The following ADGRG1 variants were observed in gnomAD, a reference collection of about 807,000 sequenced individuals.
ADGRG1 encodes adhesion G protein-coupled receptor G1, also known as 7-transmembrane protein with no EGF-like N-terminal domains-1.
In ADGRG1, 53 loss-of-function variants were observed where a neutral mutation model predicts 73.5. The ratio of observed to expected loss-of-function variants is 0.72; its 90% confidence interval spans 0.58 to 0.91. ADGRG1 has a LOEUF of 0.91. ADGRG1 is among the 40% of genes least tolerant of loss of function. The probability of loss-of-function intolerance (pLI) is 0.00; values close to 1 mark genes in which losing one functional copy is unlikely to be tolerated. For missense variants in ADGRG1, 795 were observed against 871.8 expected, an observed-to-expected ratio of 0.91 and a Z score of 1.11; for synonymous variants, 394 against 374.4, an observed-to-expected ratio of 1.05 and a Z score of -0.60.
chr16:57,652,821 G>A, intron 3 of ADGRG1: 1 of 1,105,678 alleles, frequency 9.0e-7, no homozygotes. Context: ...GCCCGAGCCT[G>A]GAGTCAGGGA....
At position 57,631,379 on chromosome 16, in the gene ADGRG1, G is replaced by A. The variant is rs575875217; in HGVS notation, c.-36+2577G>A. 6.1e-6 allele frequency: 6 copies of A among 985,912 alleles called. No homozygotes were observed. In the East Asian group the frequency reaches 4.5e-4, roughly 75 times the overall value. 61.1% of individuals were successfully genotyped at this position (985,912 alleles called of 1,614,324 possible). A position where few individuals can be genotyped will look rare whatever the true frequency, so the allele number is the denominator to read the frequency against. ...CAGAAGCTGTGTGCAGGTGGGGTCTGGGGGGCTGTGCCATTTCAGGGATGC... is the reference window on the plus strand; with the variant it reads ...CAGAAGCTGTGTGCAGGTGGGGTCTAGGGGGCTGTGCCATTTCAGGGATGC... On this transcript the variant is annotated intron_variant, in intron 1 of 13. Coordinates refer to ENST00000562631, the MANE Select transcript of ADGRG1 (RefSeq NM_201525.4).
chr16:57,628,933 AGT>A (rs1203677741), intron 1 of ADGRG1, 131 bp downstream of exon 1: 30 of 684,526 alleles, frequency 4.4e-5, no homozygotes, highest in Non-Finnish European at 5.2e-5. Flanking sequence ...TGTGAGTGTG[AGT>A]GTGAGCGTGA....
intron 1 of ADGRG1, chr16:57,640,749 C>T (rs1332163114): frequency 3.3e-6 from 1 of 300,834 alleles, no homozygotes; most frequent in Non-Finnish European, 4.9e-6. Context: ...CTCGGCCCCT[C>T]AGCCAGTGAT....
intron 1 of ADGRG1, chr16:57,643,486 C>CAGAG (rs2147838685): frequency 1.3e-6 from 1 of 775,000 alleles, no homozygotes; most frequent in South Asian, 5.9e-5. Context: ...TCTGGGCAGG[C>CAGAG]AGAGGGTGTT....
At chr16:57,650,115 G>T (rs1460833073) in intron 1 of ADGRG1, 138 bp from the exon 2 acceptor site, 3 of 1,502,192 alleles carry the variant, frequency 2.0e-6, no homozygotes, top group Non-Finnish European at 2.7e-6. Context: ...GCCGCTCTGG[G>T]GAGGTCCATG....
In ADGRG1 at chr16:57,659,505, T is replaced by C; in HGVS notation, c.1379T>C (p.Val460Ala). The C allele has an allele frequency of 1.2e-6, 2 of 1,613,940 alleles. No individual in the cohort carries two copies. The highest frequency in any genetic ancestry group is 1.7e-6 in the Non-Finnish European group (2 of 1,179,886). ...LDTSFLLSEPVALTGSEAGCR... is the reference protein window; with the variant it reads ...LDTSFLLSEPAALTGSEAGCR... ...ACGAGCTTCCTGCTCAGCGAGCCGG[T>C]GGCCCTGACAGGCTCTGAGGCTGGC... Residue 460 changes from valine (V) to alanine (A), a missense_variant, in exon 11 of 14, where the codon GTG (valine) becomes GCG (alanine). Coordinates refer to ENST00000562631, the MANE Select transcript of ADGRG1 (RefSeq NM_201525.4).
chr16:57,622,736 A>G (rs1012080264), upstream of ADGRG1: 1 of 983,770 alleles, frequency 1.0e-6, no homozygotes, highest in Non-Finnish European at 1.2e-6. Flanking sequence ...GAGGCTAGGC[A>G]AAAGGTCAGA....
chr16:57,623,879 G>T (rs772449734), upstream of ADGRG1: 1 of 946,864 alleles, frequency 1.1e-6, no homozygotes, highest in Non-Finnish European at 1.3e-6. Flanking sequence ...AAAACACATG[G>T]TCTGAGATCA....
chr16:57,654,058 C>T lies in ADGRG1; in HGVS notation c.693C>T (p.Asp231=), dbSNP rs371105408. 6.2e-7 allele frequency: 1 copy of T among 1,614,078 alleles called. No homozygotes were observed. The highest frequency in any genetic ancestry group is 8.5e-7 in the Non-Finnish European group (1 of 1,180,028). ...GGGACATGGTGTCCTTCGAGGAGGA[C>T]CGGATCAACGCCACGGTGTGGAAGC... ...FMGDMVSFEE[D]RINATVWKLQ... is the part of the protein sequence containing the mutation. Residue 231 remains aspartate (D), a synonymous_variant, in exon 5 of 14, where the codon GAC becomes GAT. Transcript: ENST00000562631.
At chr16:57,630,075 G>C in intron 1 of ADGRG1, 1 of 894,642 alleles carries the variant, frequency 1.1e-6, no homozygotes, top group Non-Finnish European at 1.3e-6. Context: ...TTTATTGAGC[G>C]CTTACTGTGC....
upstream of ADGRG1, chr16:57,622,750 T>C (rs1429319365): frequency 2.0e-6 from 2 of 984,888 alleles, no homozygotes; most frequent in Non-Finnish European, 2.4e-6. Context: ...GGTCAGACAT[T>C]CCGTCATGCT....
intron 1 of ADGRG1, among the ~76,000 whole-genome samples, chr16:57,639,027 G>A (rs1270476901): frequency 6.6e-6 from 1 of 151,494 alleles, no homozygotes. Context: ...CTGAGATCAC[G>A]CCACTGCACT....
intron 4 of ADGRG1, 29 bp downstream of exon 4, chr16:57,653,364 G>C: frequency 6.2e-7 from 1 of 1,603,372 alleles, no homozygotes; most frequent in Non-Finnish European, 8.5e-7. Flanking sequence ...GCTGTGAGGG[G>C]AGGCAGGAAG....
At chr16:57,649,026 G>T (rs141666307) in intron 1 of ADGRG1, among the ~76,000 whole-genome samples, 3 of 152,242 alleles carry the variant, frequency 2.0e-5, no homozygotes, top group African/African-American at 7.2e-5. Context: ...GGGGTGGGAT[G>T]GGTCAACACA....
intron 10 of ADGRG1, among the ~76,000 whole-genome samples, chr16:57,657,791 G>C (rs1249210130): frequency 1.3e-5 from 2 of 151,918 alleles, no homozygotes; most frequent in Non-Finnish European, 2.9e-5. Flanking sequence ...GCCCAGGCTG[G>C]AGTGTAGTAG....
At chr16:57,639,828 C>G (rs1391455087) in intron 1 of ADGRG1, 63 of 922,464 alleles carry the variant, frequency 6.8e-5, no homozygotes, top group Non-Finnish European at 7.6e-5. Flanking sequence ...TTTTCCTCTC[C>G]CGTGCATTCC....
chr16:57,620,664 C>T (rs11863709), upstream of ADGRG1: 5,106 of 152,260 alleles, frequency 0.034, 81 homozygotes, highest in Non-Finnish European at 0.036. Context: ...CCTGGGGGGG[C>T]GTGCCCAGCC....
Position 57,631,474 on chromosome 16 carries a change from G to A in ADGRG1, c.-36+2672G>A, listed in dbSNP as rs560259001. On this transcript the variant is annotated intron_variant, in intron 1 of 13. Coordinates refer to ENST00000562631, the MANE Select transcript of ADGRG1 (RefSeq NM_201525.4). ...GAGGCCGTGGGGAAGTCGGGTGGAA[G>A]TAGGGAGGAGAGGGGAGTGTGACAA... 14 of 985,616 alleles carry A rather than the reference G, an allele frequency of 1.4e-5. No homozygotes were observed. In the East Asian group the frequency reaches 5.7e-4, roughly 40 times the overall value. 61.1% of individuals were successfully genotyped at this position (985,616 alleles called of 1,614,324 possible).
chr16:57,635,820 CTG>C, intron 1 of ADGRG1: 1 of 985,392 alleles, frequency 1.0e-6, no homozygotes, highest in Non-Finnish European at 1.2e-6. Context: ...TTTACGAGCT[CTG>C]TGTCCCTGGG....
Sources: gnomAD v4.1 joint callset for allele counts (sites outside exome capture counted in the v4.1 genomes callset) on GRCh38, gnomAD v4.1.1 for gene constraint, MANE v1.5 for transcripts, NCBI Gene and HGNC (gene_info 2026-07-23, HGNC 2026-07-21) for gene names.